IDH1: variants seen among roughly 807,000 people sequenced by gnomAD.
The protein encoded by IDH1 is isocitrate dehydrogenase [NADP] cytoplasmic.
In IDH1, 33 loss-of-function variants were observed where a neutral mutation model predicts 46.1. The ratio of observed to expected loss-of-function variants is 0.72; its 90% CI spans 0.54 to 0.96. The LOEUF (loss-of-function observed/expected upper bound fraction) is 0.96. Ranked by LOEUF, IDH1 falls within the 40% of genes least tolerant of loss-of-function variation. The pLI is 0.00. For missense variants in IDH1, 421 were observed against 515.7 expected, an observed-to-expected ratio of 0.82 and a Z score of 1.78; for synonymous variants, 144 against 172.8, an observed-to-expected ratio of 0.83 and a Z score of 1.31.
intron 9 of IDH1, among the ~76,000 whole-genome samples, chr2:208,238,649 G>T (rs1490181180): frequency 6.6e-6 from 1 of 152,196 alleles, no homozygotes. Flanking sequence ...AATAGCCTCT[G>T]AAGTATCTTT....
intron 4 of IDH1, among the ~76,000 whole-genome samples, chr2:208,245,786 C>CG (rs1306859671): frequency 7.3e-5 from 3 of 40,954 alleles, no homozygotes; most frequent in Non-Finnish European, 1.4e-4. Flanking sequence ...TAGACCCCCC[C>CG]CCCAAAAAAA....
chr2:208,245,788 C>CG (rs1165266366), intron 4 of IDH1, among the ~76,000 whole-genome samples: 1 of 42,260 alleles, frequency 2.4e-5, no homozygotes, highest in Non-Finnish European at 6.7e-5. Flanking sequence ...GACCCCCCCC[C>CG]CAAAAAAAAA....
chr2:208,240,042 A>G, intron 7 of IDH1, 39 bp from the exon 8 acceptor site: 2 of 1,611,460 alleles, frequency 1.2e-6, no homozygotes, highest in Non-Finnish European at 8.5e-7. Context: ...GTCCAACTGC[A>G]TGAAGAGCAC....
At chr2:208,254,329 G>A (rs1240636940) in intron 1 of IDH1, 4 of 137,962 alleles carry the variant, frequency 2.9e-5, no homozygotes, top group African/African-American at 5.5e-5. Flanking sequence ...CCCTCCCCTC[G>A]CTGGTGCTGG....
chr2:208,245,629 T>C (rs537696492), intron 4 of IDH1, among the ~76,000 whole-genome samples: 29 of 148,624 alleles, frequency 2.0e-4, no homozygotes, highest in Non-Finnish European at 3.9e-4. Context: ...TAGGTGCCTA[T>C]ACGAGGTATA....
chr2:208,239,943 T>C lies in IDH1; in HGVS notation c.911A>G (p.Glu304Gly), dbSNP rs567401796. ...VLVCPDGKTV[E>G]AEAAHGTVTR... ...TACAGTCCCGTGGGCAGCCTCTGCT[T>C]CTACTGTCTTGCCATCTGGACAAAC... The change falls in exon 8 of 10, where the codon GAA becomes GGA. Residue 304 changes from glutamate to glycine, a missense_variant. By Grantham distance (98) the Glu-to-Gly change is moderately conservative (BLOSUM62 -2). Transcript: ENST00000345146. The C allele has an allele frequency of 1.2e-6, 2 of 1,614,148 alleles. No individual in the cohort carries two copies. The highest frequency in any genetic ancestry group is 4.5e-5 in the East Asian group (2 of 44,882).
In IDH1 at chr2:208,248,544, T is replaced by A. The variant is rs201790850; in HGVS notation, c.239A>T (p.Glu80Val). ...GVKCATITPD[E>V]KRVEEFKLKQ... Reference sequence around the variant, plus strand: ...CAACTTGAACTCCTCAACCCTCTTCTCATCAGGAGTGATAGTGGCACATTT... The same window carrying A: ...CAACTTGAACTCCTCAACCCTCTTCACATCAGGAGTGATAGTGGCACATTT... Residue 80 changes from glutamate to valine, a missense_variant, in exon 4 of 10, where the codon GAG becomes GTG. Coordinates refer to ENST00000345146, the MANE Select transcript of IDH1 (RefSeq NM_005896.4). 21 of 1,614,190 alleles carry A rather than the reference T, an allele frequency of 1.3e-5. No homozygotes were observed. Among genetic ancestry groups the A allele is most frequent in the Non-Finnish European group, 1.7e-5 (20 of 1,180,018 alleles).
intron 5 of IDH1, 48 bp from the exon 6 acceptor site, chr2:208,243,652 T>C: frequency 6.7e-7 from 1 of 1,485,426 alleles, no homozygotes. Context: ...AGAATAAATG[T>C]AATGTAGTTG....
At chr2:208,248,767 T>C in intron 3 of IDH1, 107 bp from the exon 4 acceptor site, 2 of 1,049,408 alleles carry the variant, frequency 1.9e-6, no homozygotes, top group Non-Finnish European at 2.9e-6. Flanking sequence ...GCGAAGGCTC[T>C]GAGTACACCA....
Position 208,241,906 on chromosome 2 carries a change from C to A in IDH1, c.850+88G>T, listed in dbSNP as rs1574403872. The A allele has an allele frequency of 7.3e-6, 10 of 1,366,690 alleles. No individual in the cohort carries two copies. In the East Asian group the frequency reaches 2.3e-4, roughly 31 times the overall value. 84.7% of individuals were successfully genotyped at this position (1,366,690 alleles called of 1,614,324 possible). A position where few individuals can be genotyped will look rare whatever the true frequency, so the allele number is the denominator to read the frequency against. The stretch of plus-strand genomic sequence containing the variant: ...GGAGGTTTAACATTCCAAGATTTTA[C>A]AACAAAGGACTACAAAACTCCCCTT... On this transcript the variant is annotated intron_variant, in intron 7 of 9. Coordinates refer to ENST00000345146, the MANE Select transcript of IDH1 (RefSeq NM_005896.4).
Position 208,248,400 on chromosome 2 carries a change from A to G in IDH1, c.383T>C (p.Ile128Thr), listed in dbSNP as rs1408229360. The change falls in exon 4 of 10, where the codon ATC becomes ACC. Residue 128 changes from isoleucine to threonine, a missense_variant. Coordinates refer to ENST00000345146, the MANE Select transcript of IDH1 (RefSeq NM_005896.4). ...CCCATAAGCATGACGACCTATGATG[A>G]TAGGTTTTACCCATCCACTCACAAG... ...PRLVSGWVKPIIIGRHAYGDQ... is the reference protein window; with the variant it reads ...PRLVSGWVKPTIIGRHAYGDQ... 6.8e-6 allele frequency: 11 copies of G among 1,613,792 alleles called. No homozygotes were observed. Among genetic ancestry groups the G allele is most frequent in the African/African-American group, 1.3e-5 (1 of 74,878 alleles).
In IDH1 at chr2:208,255,037, T is replaced by G. The variant is rs1035958496; in HGVS notation, c.-189A>C. 1 of 152,336 alleles carries G rather than the reference T, an allele frequency of 6.6e-6. No individual in the cohort carries two copies. Among genetic ancestry groups the G allele is most frequent in the Non-Finnish European group, 1.5e-5 (1 of 68,216 alleles). The allele number at this position is 152,336 out of a possible 1,614,324, so 9.4% of individuals were successfully genotyped here. On this transcript the variant is annotated 5_prime_UTR_variant, in exon 1 of 10. Coordinates refer to ENST00000345146, the MANE Select transcript of IDH1 (RefSeq NM_005896.4). ...TGGCAATCCCAAACCGGACTCCCAGTGCCTCCGCTTCTGAAGTAGACTCTG... is the reference window on the plus strand; with the variant it reads ...TGGCAATCCCAAACCGGACTCCCAGGGCCTCCGCTTCTGAAGTAGACTCTG...
chr2:208,237,659 G>A (rs144283708), intron 9 of IDH1, among the ~76,000 whole-genome samples: 11 of 151,730 alleles, frequency 7.2e-5, no homozygotes, highest in East Asian at 5.9e-4. Context: ...GGTGGCTCAC[G>A]CCTATAATCC....
At chr2:208,254,443 C>T (rs1309680542) in intron 1 of IDH1, 2 of 152,272 alleles carry the variant, frequency 1.3e-5, no homozygotes, top group African/African-American at 4.8e-5. Context: ...TGGAGCTCCG[C>T]CCCTCCACGC....
chr2:208,248,318 G>A (rs2124862316), intron 4 of IDH1, 51 bp downstream of exon 4: 2 of 1,544,652 alleles, frequency 1.3e-6, no homozygotes, highest in Non-Finnish European at 1.8e-6. Context: ...GAAATTTCTG[G>A]GCCATGAAAA....
intron 3 of IDH1, among the ~76,000 whole-genome samples, chr2:208,250,294 A>G (rs1434586002): frequency 3.9e-5 from 2 of 51,782 alleles, no homozygotes; most frequent in African/African-American, 8.7e-5. Context: ...AGGAGTTCCT[A>G]AGATGCTTTT....
intron 6 of IDH1, among the ~76,000 whole-genome samples, chr2:208,242,684 G>A (rs945266681): frequency 5.9e-5 from 9 of 152,000 alleles, no homozygotes; most frequent in African/African-American, 1.4e-4. Context: ...CTGTGCTGTG[G>A]AAGCCAGTGT....
intron 2 of IDH1, 93 bp downstream of exon 2, chr2:208,253,792 TG>T (rs1231889717): frequency 6.6e-6 from 1 of 152,192 alleles, no homozygotes; most frequent in Non-Finnish European, 1.5e-5. Context: ...CTCATTCCCT[TG>T]CAGTGCCTCG....
chr2:208,252,392 G>A (rs1158105160), intron 2 of IDH1, among the ~76,000 whole-genome samples: 4 of 152,178 alleles, frequency 2.6e-5, no homozygotes, highest in East Asian at 3.9e-4. Context: ...CATTGTCCTA[G>A]GAAGACAGCA....
Sources: allele counts gnomAD v4.1 joint callset (sites outside exome capture counted in the v4.1 genomes callset), GRCh38; gene constraint gnomAD v4.1.1; transcripts MANE v1.5; gene names NCBI Gene and HGNC (gene_info 2026-07-23, HGNC 2026-07-21).